The following PALM2AKAP2 variants were observed in gnomAD, a reference collection of about 807,000 sequenced individuals.
PALM2AKAP2 encodes PALM2 and AKAP2 fusion, also known as PALM2-AKAP2 fusion protein.
In PALM2AKAP2, 37 loss-of-function variants were observed where a neutral mutation model predicts 71.5. That is an observed-to-expected ratio of 0.52 (90% CI 0.40 to 0.68). PALM2AKAP2 has a LOEUF of 0.68. Among genes scored for constraint, PALM2AKAP2 ranks in the 30% least tolerant of loss-of-function variants. The pLI, the probability that PALM2AKAP2 is intolerant of heterozygous loss-of-function variation, is 0.00. For synonymous variants in PALM2AKAP2, 468 were observed against 478.8 expected (o/e 0.98, Z 0.29); for missense variants, 1,224 against 1,191.8 (o/e 1.03, Z -0.40).
intron 1 of PALM2AKAP2, among the ~76,000 whole-genome samples, chr9:109,848,538 C>T (rs1828924712): frequency 6.6e-6 from 1 of 152,182 alleles, no homozygotes; most frequent in Non-Finnish European, 1.5e-5. Context: ...CATGTCATGG[C>T]AGGACTGAGG....
chr9:109,688,033 C>T (rs528861804), intron 1 of PALM2AKAP2, among the ~76,000 whole-genome samples: 2 of 152,324 alleles, frequency 1.3e-5, no homozygotes, highest in South Asian at 2.1e-4. Context: ...CACCATCTTA[C>T]ATGTGAGTGG....
At chr9:109,982,091 T>C (rs2132198793) in intron 6 of PALM2AKAP2, among the ~76,000 whole-genome samples, 1 of 152,364 alleles carries the variant, frequency 6.6e-6, no homozygotes, top group East Asian at 1.9e-4. Context: ...ATGTGGTACG[T>C]GTACACAATG....
At chr9:109,869,102 G>A (rs140507206) in intron 2 of PALM2AKAP2, among the ~76,000 whole-genome samples, 1 of 152,250 alleles carries the variant, frequency 6.6e-6, no homozygotes, top group Non-Finnish European at 1.5e-5. Flanking sequence ...AAAAAGAGAG[G>A]CTGCTTTGGG....
rs369163007 is a variant in PALM2AKAP2, at chr9:110,141,672, C to T, written c.2569+3133C>T. ...GAATGGAGGTGTTACCAAGTTCCTG[C>T]GGCACATTTCATATTTCATGCCAGA... On this transcript the variant is annotated intron_variant, in intron 2 of 3. Transcript: ENST00000374525. 2.2e-4 allele frequency among the ~76,000 whole-genome samples: 34 copies of T among 152,264 alleles called. No individual in the cohort carries two copies. The East Asian group carries it at 3.7e-3, about 16-fold the overall frequency.
chr9:110,116,958 A>G (rs1835376672), intron 1 of PALM2AKAP2, among the ~76,000 whole-genome samples: 1 of 152,240 alleles, frequency 6.6e-6, no homozygotes, highest in African/African-American at 2.4e-5. Context: ...AAACCTAACA[A>G]GTAGATGAGC....
chr9:109,756,087 A>T (rs572181765), intron 1 of PALM2AKAP2, among the ~76,000 whole-genome samples: 68 of 152,274 alleles, frequency 4.5e-4, no homozygotes, highest in Admixed American at 4.5e-3. Flanking sequence ...ATGGGTATAT[A>T]TAGTTATAAC....
At chr9:110,100,311 G>A (rs921556538) in intron 1 of PALM2AKAP2, among the ~76,000 whole-genome samples, 3 of 151,970 alleles carry the variant, frequency 2.0e-5, no homozygotes, top group African/African-American at 7.2e-5. Flanking sequence ...GCAACCCCCT[G>A]CACTTCTAGA....
chr9:109,812,430 C>G (rs142053809), intron 1 of PALM2AKAP2, among the ~76,000 whole-genome samples: 85 of 152,228 alleles, frequency 5.6e-4, no homozygotes, highest in African/African-American at 2.0e-3. Flanking sequence ...GCACCACAGT[C>G]TGGGCTGGCT....
Position 110,050,818 on chromosome 9 carries a change from G to C in PALM2AKAP2, c.156+1963G>C, listed in dbSNP as rs573097995. Among the ~76,000 whole-genome samples, 21 of 151,884 alleles carry C rather than the reference G, an allele frequency of 1.4e-4. No individual in the cohort carries two copies. In the South Asian group the frequency reaches 4.4e-3, roughly 32 times the overall value. ...AATTTTTATATTTTTAGTAGAGATG[G>C]GGTTTTGCCATGTTGGCCAGGCTGG... On this transcript the variant is annotated intron_variant, in intron 1 of 3. Transcript: ENST00000374525.
intron 1 of PALM2AKAP2, among the ~76,000 whole-genome samples, chr9:109,695,448 T>C (rs1056209876): frequency 6.6e-6 from 1 of 152,210 alleles, no homozygotes; most frequent in African/African-American, 2.4e-5. Flanking sequence ...CTCTGCATCC[T>C]CATCAGCATT....
chr9:109,669,654 C>G (rs576112861), intron 1 of PALM2AKAP2, among the ~76,000 whole-genome samples: 1 of 152,040 alleles, frequency 6.6e-6, no homozygotes, highest in East Asian at 1.9e-4. Flanking sequence ...ATTTATATTT[C>G]TTTTTGTATT....
At chr9:110,117,528 C>T (rs1326541559) in intron 1 of PALM2AKAP2, among the ~76,000 whole-genome samples, 2 of 152,188 alleles carry the variant, frequency 1.3e-5, no homozygotes, top group Admixed American at 6.5e-5. Context: ...GGGTTAACCA[C>T]TGTCTTTGTC....
intron 1 of PALM2AKAP2, among the ~76,000 whole-genome samples, chr9:109,701,174 T>C (rs1828049656): frequency 6.6e-6 from 1 of 152,198 alleles, no homozygotes; most frequent in Non-Finnish European, 1.5e-5. Flanking sequence ...CATGCCAAGG[T>C]AATTTATAGA....
intron 1 of PALM2AKAP2, among the ~76,000 whole-genome samples, chr9:109,683,929 T>G (rs1213316922): frequency 2.0e-5 from 3 of 152,024 alleles, no homozygotes; most frequent in African/African-American, 7.2e-5. Flanking sequence ...CATTTTACAG[T>G]TGAAAAAAAT....
intron 2 of PALM2AKAP2, among the ~76,000 whole-genome samples, chr9:110,143,708 T>G (rs1378512480): frequency 3.9e-5 from 6 of 152,202 alleles, no homozygotes; most frequent in African/African-American, 1.2e-4. Context: ...TGATGATTTG[T>G]TTGGTTTTTT....
chr9:109,756,028 C>A (rs1828958867), intron 1 of PALM2AKAP2, among the ~76,000 whole-genome samples: 1 of 152,242 alleles, frequency 6.6e-6, no homozygotes, highest in East Asian at 1.9e-4. Flanking sequence ...GTTCCCATCT[C>A]TAGTTATGTT....
chr9:109,668,501 C>A (rs966370659), intron 1 of PALM2AKAP2, among the ~76,000 whole-genome samples: 1 of 152,212 alleles, frequency 6.6e-6, no homozygotes, highest in Non-Finnish European at 1.5e-5. Flanking sequence ...TTAGTCAGAG[C>A]ACAGCTGAAG....
chr9:109,874,381 A>G (rs1829673946), intron 2 of PALM2AKAP2, among the ~76,000 whole-genome samples: 1 of 152,190 alleles, frequency 6.6e-6, no homozygotes, highest in African/African-American at 2.4e-5. Flanking sequence ...AGTAGAGTGT[A>G]CCTCTTGGCT....
intron 1 of PALM2AKAP2, among the ~76,000 whole-genome samples, chr9:109,825,410 A>G (rs10980071): frequency 0.16 from 24,028 of 152,248 alleles, 2,485 homozygotes; most frequent in East Asian, 0.34. Flanking sequence ...AGAAACTACT[A>G]TCAGAGTGAA....
Sources: allele counts gnomAD v4.1 joint callset (sites outside exome capture counted in the v4.1 genomes callset), GRCh38; gene constraint gnomAD v4.1.1; transcripts MANE v1.5; gene names NCBI Gene and HGNC (gene_info 2026-07-23, HGNC 2026-07-21).